AFF1: variants seen among roughly 807,000 people sequenced by gnomAD.
AFF1 encodes the protein ALF transcription elongation factor 1, also known as AF4/FMR2 family member 1.
In AFF1, 48 loss-of-function variants were observed where a neutral mutation model predicts 121.7. The observed-to-expected ratio is 0.39, with a 90% confidence interval of 0.31 to 0.50. AFF1 has a LOEUF of 0.50. Ranked by LOEUF, AFF1 falls within the 20% of genes least tolerant of loss-of-function variation. The pLI is 0.76. For synonymous variants in AFF1, 613 were observed against 563.0 expected (o/e 1.09, Z -1.26); for missense variants, 1,523 against 1,511.7 (o/e 1.01, Z -0.12).
At chr4:87,125,216 T>G (rs888814729) in intron 13 of AFF1, 73 bp downstream of exon 13, 8 of 1,126,226 alleles carry the variant, frequency 7.1e-6, no homozygotes, top group Non-Finnish European at 8.6e-6. Context: ...AGCAAAGAAA[T>G]TTTTCTTCTG....
intron 19 of AFF1, among the ~76,000 whole-genome samples, chr4:87,132,869 T>A (rs1195004286): frequency 6.6e-6 from 1 of 152,226 alleles, no homozygotes; most frequent in Non-Finnish European, 1.5e-5. Context: ...AATTTTTGTA[T>A]TTTTAGTAGA....
intron 16 of AFF1, among the ~76,000 whole-genome samples, chr4:87,129,469 G>A (rs1233923958): frequency 6.6e-6 from 1 of 152,148 alleles, no homozygotes; most frequent in East Asian, 1.9e-4. Context: ...CAGTATTGTA[G>A]TTTAGTTTAT....
intron 12 of AFF1, among the ~76,000 whole-genome samples, chr4:87,124,773 C>T (rs1172038418): frequency 6.6e-6 from 1 of 152,138 alleles, no homozygotes; most frequent in Non-Finnish European, 1.5e-5. Context: ...TAGGCATCTT[C>T]GTTTTCTTGC....
chr4:87,048,345 TC>T (rs1303325852), intron 4 of AFF1, among the ~76,000 whole-genome samples: 2 of 152,202 alleles, frequency 1.3e-5, no homozygotes, highest in African/African-American at 4.8e-5. Context: ...TATTTCTTTT[TC>T]TACTGCATGG....
intron 2 of AFF1, among the ~76,000 whole-genome samples, chr4:86,996,208 C>T (rs1170813052): frequency 1.1e-4 from 17 of 152,294 alleles, no homozygotes; most frequent in Non-Finnish European, 2.1e-4. Flanking sequence ...CTGGCCACCA[C>T]CCCGTCTGGG....
intron 2 of AFF1, among the ~76,000 whole-genome samples, chr4:87,022,785 TATCACGTGTGTGTATATATATGCAC>T (rs1387449637): frequency 1.3e-5 from 2 of 150,932 alleles, no homozygotes; most frequent in Non-Finnish European, 2.9e-5. Flanking sequence ...TATATATACA[TATCACGTGTGTGTATATATATGCAC>T]ACACACACAC....
intron 12 of AFF1, among the ~76,000 whole-genome samples, chr4:87,117,350 G>A (rs1204226248): frequency 6.6e-6 from 1 of 152,116 alleles, no homozygotes; most frequent in African/African-American, 2.4e-5. Flanking sequence ...GCGCTGTCAA[G>A]CTGCTGAGAG....
intron 4 of AFF1, among the ~76,000 whole-genome samples, chr4:87,064,561 G>T (rs1469509383): frequency 6.6e-6 from 1 of 152,150 alleles, no homozygotes; most frequent in Non-Finnish European, 1.5e-5. Context: ...GGACAACATG[G>T]TGAGACTGTC....
intron 8 of AFF1, among the ~76,000 whole-genome samples, chr4:87,098,712 C>T (rs935878366): frequency 1.3e-5 from 2 of 152,186 alleles, no homozygotes; most frequent in African/African-American, 4.8e-5. Flanking sequence ...GAAATCAACA[C>T]TTACTTAAAA....
chr4:86,980,248 G>GA (rs532646277), intron 2 of AFF1, among the ~76,000 whole-genome samples: 377 of 151,998 alleles, frequency 2.5e-3, no homozygotes, highest in Admixed American at 4.4e-3. Flanking sequence ...GGCAAAATAT[G>GA]AAAAAAATGT....
chr4:87,012,217 C>CTTTTTTTTTTTTTTTTTT lies in AFF1; in HGVS notation c.39-33947_39-33946insTTTTTTTTTTTTTTTTTT, dbSNP rs68156863. ...GTTAGCAAACTTCTCCATTTCATTTCTTGTTTTTTTTTTTTTTTGTATAAC... is the reference window on the plus strand; with the variant it reads ...GTTAGCAAACTTCTCCATTTCATTTCTTTTTTTTTTTTTTTTTTTTGTTTTTTTTTTTTTTTGTATAAC... On this transcript the variant is annotated intron_variant, in intron 2 of 20. Transcript: ENST00000395146. Among the ~76,000 whole-genome samples, 5 of 115,100 alleles carry CTTTTTTTTTTTTTTTTTT rather than the reference C, an allele frequency of 4.3e-5. 2 individuals carry two copies. The highest frequency in any genetic ancestry group is 5.5e-5 in the Non-Finnish European group (3 of 54,242). The allele number at this position is 115,100 out of a possible 152,430, so 75.5% of individuals were successfully genotyped here.
intron 4 of AFF1, among the ~76,000 whole-genome samples, chr4:87,065,045 T>C (rs1211210322): frequency 6.6e-6 from 1 of 151,296 alleles, no homozygotes; most frequent in Non-Finnish European, 1.5e-5. Flanking sequence ...GAAAAAATAA[T>C]ATAGTGTGGG....
intron 2 of AFF1, among the ~76,000 whole-genome samples, chr4:86,982,848 CAAAAAAAAAA>C (rs59568294): frequency 2.8e-4 from 15 of 53,810 alleles, no homozygotes; most frequent in South Asian, 9.9e-4. Context: ...ACTCTGTCTC[CAAAAAAAAAA>C]AAAAAAAAAA....
At chr4:86,938,325 C>G (rs560103704) in intron 1 of AFF1, among the ~76,000 whole-genome samples, 5 of 151,910 alleles carry the variant, frequency 3.3e-5, no homozygotes, top group Admixed American at 2.0e-4. Flanking sequence ...TGGCGTGCTC[C>G]TGTAATTACG....
At position 87,081,152 on chromosome 4, in the gene AFF1, A is replaced by ATTTTTTTT. The variant is rs549510832; in HGVS notation, c.1060-2948_1060-2941dup. ...TTGTAGTTTTTCTCTAATGAAATGA[A>ATTTTTTTT]TTTTTTTTTTTTTTTTTTTTTTTTT... On this transcript the variant is annotated intron_variant, in intron 4 of 20. Transcript: ENST00000395146. 2.7e-4 allele frequency among the ~76,000 whole-genome samples: 24 copies of ATTTTTTTT among 89,718 alleles called. 2 individuals are homozygous for ATTTTTTTT. Among genetic ancestry groups the ATTTTTTTT allele is most frequent in the East Asian group, 7.4e-4 (2 of 2,694 alleles). 58.9% of individuals were successfully genotyped at this position (89,718 alleles called of 152,430 possible). A position where few individuals can be genotyped will look rare whatever the true frequency, so the allele number is the denominator to read the frequency against.
At chr4:87,011,829 G>A (rs914787970) in intron 2 of AFF1, among the ~76,000 whole-genome samples, 5 of 152,056 alleles carry the variant, frequency 3.3e-5, no homozygotes, top group East Asian at 1.9e-4. Flanking sequence ...CTGAAGGAGC[G>A]GTGAGTCATT....
intron 12 of AFF1, among the ~76,000 whole-genome samples, chr4:87,123,072 T>G (rs1727875553): frequency 6.6e-6 from 1 of 151,960 alleles, no homozygotes; most frequent in Non-Finnish European, 1.5e-5. Context: ...TTTTATGTTT[T>G]TAGTAGAGAT....
At chr4:86,963,905 T>A (rs1410807748) in intron 2 of AFF1, among the ~76,000 whole-genome samples, 1 of 150,760 alleles carries the variant, frequency 6.6e-6, no homozygotes, top group Non-Finnish European at 1.5e-5. Context: ...CAAGTGATCT[T>A]CCCACCTTGG....
chr4:87,094,314 C>T (rs965728446), intron 7 of AFF1, among the ~76,000 whole-genome samples: 1 of 152,214 alleles, frequency 6.6e-6, no homozygotes, highest in Non-Finnish European at 1.5e-5. Context: ...GACTTGTGTA[C>T]TTAATCTCAC....
Sources: gnomAD v4.1 joint callset for allele counts (sites outside exome capture counted in the v4.1 genomes callset) on GRCh38, gnomAD v4.1.1 for gene constraint, MANE v1.5 for transcripts, NCBI Gene and HGNC (gene_info 2026-07-23, HGNC 2026-07-21) for gene names.